The following TGFB2 variants were observed in gnomAD, a reference collection of about 807,000 sequenced individuals.
TGFB2 encodes transforming growth factor beta 2.
TGFB2 carries 13 observed loss-of-function variants against 42.7 expected under a neutral mutation model. That is an observed-to-expected ratio of 0.30 (90% confidence interval 0.20 to 0.48). The LOEUF is 0.48. TGFB2 is among the 20% of genes least tolerant of loss of function. The pLI, the probability that TGFB2 is intolerant of heterozygous loss-of-function variation, is 0.99. For missense variants in TGFB2, 390 were observed against 517.5 expected (o/e 0.75, Z 2.39); for synonymous variants, 193 against 193.6 (o/e 1.00, Z 0.03).
chr1:218,433,325 CCAA>C (rs1412081536), intron 2 of TGFB2, among the ~76,000 whole-genome samples: 1 of 152,096 alleles, frequency 6.6e-6, no homozygotes, highest in Non-Finnish European at 1.5e-5. Flanking sequence ...ACTCAGCCTC[CCAA>C]AGTGCTGGGA....
intron 1 of TGFB2, among the ~76,000 whole-genome samples, chr1:218,368,329 G>T (rs1657454354): frequency 6.6e-6 from 1 of 151,546 alleles, no homozygotes; most frequent in Admixed American, 6.6e-5. Flanking sequence ...TAGAGACGGG[G>T]TTTCACCATG....
At chr1:218,359,188 C>T (rs1657134871) in intron 1 of TGFB2, among the ~76,000 whole-genome samples, 1 of 152,142 alleles carries the variant, frequency 6.6e-6, no homozygotes, top group Admixed American at 6.5e-5. Flanking sequence ...CAGGAGGTTC[C>T]ACCTTCAGAT....
At chr1:218,438,991 C>G (rs1660062774) in intron 6 of TGFB2, among the ~76,000 whole-genome samples, 1 of 151,786 alleles carries the variant, frequency 6.6e-6, no homozygotes, top group Non-Finnish European at 1.5e-5. Context: ...TGCCTGCAAT[C>G]CCAGCTACTC....
intron 2 of TGFB2, 82 bp downstream of exon 2, chr1:218,405,414 G>C: frequency 6.3e-7 from 1 of 1,597,756 alleles, no homozygotes; most frequent in Non-Finnish European, 8.5e-7. Flanking sequence ...TCACAGGCTA[G>C]AGTACAGTGG....
At chr1:218,440,696 C>T (rs1660123358) in intron 6 of TGFB2, among the ~76,000 whole-genome samples, 1 of 152,168 alleles carries the variant, frequency 6.6e-6, no homozygotes, top group South Asian at 2.1e-4. Context: ...CTCATTTTGT[C>T]CAGAGAAGAC....
At chr1:218,358,734 G>C (rs964842519) in intron 1 of TGFB2, among the ~76,000 whole-genome samples, 1 of 151,814 alleles carries the variant, frequency 6.6e-6, no homozygotes, top group African/African-American at 2.4e-5. Flanking sequence ...AGTAGAGACG[G>C]GGTTTCACCG....
intron 1 of TGFB2, among the ~76,000 whole-genome samples, chr1:218,350,526 G>C (rs1656838099): frequency 6.6e-6 from 1 of 151,974 alleles, no homozygotes; most frequent in South Asian, 2.1e-4. Flanking sequence ...ATTTGTTGGG[G>C]GTTACTGAAT....
At chr1:218,426,683 A>C (rs932118781) in intron 2 of TGFB2, among the ~76,000 whole-genome samples, 1 of 152,212 alleles carries the variant, frequency 6.6e-6, no homozygotes, top group African/African-American at 2.4e-5. Flanking sequence ...TTCAATCAGA[A>C]ACAGTTGTTG....
chr1:218,424,362 G>A (rs538938751), intron 2 of TGFB2, among the ~76,000 whole-genome samples: 2 of 152,200 alleles, frequency 1.3e-5, no homozygotes, highest in African/African-American at 2.4e-5. Flanking sequence ...AGATAATAGA[G>A]TTCAACATTA....
chr1:218,443,515 G>A lies in TGFB2; in HGVS notation c.*2153G>A, dbSNP rs1056667799. The A allele has an allele frequency of 2.6e-5, 4 of 152,148 alleles. No individual in the cohort carries two copies. The highest frequency in any genetic ancestry group is 9.7e-5 in the African/African-American group (4 of 41,438). 9.4% of individuals were successfully genotyped at this position (152,148 alleles called of 1,614,324 possible). A position where few individuals can be genotyped will look rare whatever the true frequency, so the allele number is the denominator to read the frequency against. On this transcript the variant is annotated 3_prime_UTR_variant, in exon 7 of 7. Transcript: ENST00000366930. Reference sequence around the variant, plus strand: ...ATAGTAAACAGCCCTTGTGTTGGATGTAACCCAATCCCAGATTTGAGTGTG... The same window carrying A: ...ATAGTAAACAGCCCTTGTGTTGGATATAACCCAATCCCAGATTTGAGTGTG...
chr1:218,383,426 A>G (rs1658028200), intron 1 of TGFB2, among the ~76,000 whole-genome samples: 1 of 152,110 alleles, frequency 6.6e-6, no homozygotes, highest in South Asian at 2.1e-4. Context: ...TTAGAAAAAC[A>G]CAAGACCATT....
intron 1 of TGFB2, among the ~76,000 whole-genome samples, chr1:218,351,706 G>T (rs1398482233): frequency 6.6e-6 from 1 of 152,172 alleles, no homozygotes; most frequent in East Asian, 1.9e-4. Flanking sequence ...CCTCACAGAA[G>T]GAAGGGGTTG....
intron 1 of TGFB2, among the ~76,000 whole-genome samples, chr1:218,391,324 T>C (rs1361681535): frequency 6.6e-6 from 1 of 152,164 alleles, no homozygotes; most frequent in Non-Finnish European, 1.5e-5. Context: ...TGTGTGCCTG[T>C]ACAGGTCCAG....
chr1:218,416,418 T>G (rs1425967942), intron 2 of TGFB2, among the ~76,000 whole-genome samples: 1 of 152,184 alleles, frequency 6.6e-6, no homozygotes, highest in Non-Finnish European at 1.5e-5. Flanking sequence ...GGATATTTTT[T>G]GGAACCCCGT....
intron 1 of TGFB2, among the ~76,000 whole-genome samples, chr1:218,376,146 G>A (rs1478764776): frequency 6.6e-6 from 1 of 152,136 alleles, no homozygotes; most frequent in Non-Finnish European, 1.5e-5. Flanking sequence ...TAAAAATGTG[G>A]TAAGTGCGTA....
At chr1:218,383,156 T>C (rs1327668638) in intron 1 of TGFB2, among the ~76,000 whole-genome samples, 1 of 152,008 alleles carries the variant, frequency 6.6e-6, no homozygotes, top group Non-Finnish European at 1.5e-5. Context: ...TGTGATGGAG[T>C]CTTAAGCTTT....
chr1:218,348,987 G>C (rs1286846567), intron 1 of TGFB2, among the ~76,000 whole-genome samples: 2 of 152,176 alleles, frequency 1.3e-5, no homozygotes, highest in Non-Finnish European at 2.9e-5. Flanking sequence ...GAGCTGAGAT[G>C]ATCCAACCCA....
chr1:218,370,334 T>C (rs1284901360), intron 1 of TGFB2, among the ~76,000 whole-genome samples: 1 of 152,228 alleles, frequency 6.6e-6, no homozygotes, highest in African/African-American at 2.4e-5. Flanking sequence ...TGCCCCTTCA[T>C]GTAATTTCTT....
At chr1:218,434,047 ACT>A in intron 2 of TGFB2, 33 bp from the exon 3 acceptor site, 1 of 1,610,308 alleles carries the variant, frequency 6.2e-7, no homozygotes, top group Non-Finnish European at 8.5e-7. Context: ...CAGAATGCCA[ACT>A]CAGCCTTTTC....
Sources: allele counts gnomAD v4.1 joint callset (sites outside exome capture counted in the v4.1 genomes callset), GRCh38; gene constraint gnomAD v4.1.1; transcripts MANE v1.5; gene names NCBI Gene and HGNC (gene_info 2026-07-23, HGNC 2026-07-21).